The following PTPRD variants were observed in gnomAD, a reference collection of about 807,000 sequenced individuals.
The protein encoded by PTPRD is protein tyrosine phosphatase receptor type D.
Under a neutral mutation model 214.5 loss-of-function variants are expected in PTPRD, and 34 were observed. The ratio of observed to expected loss-of-function variants is 0.16; its 90% confidence interval spans 0.12 to 0.21. The LOEUF (loss-of-function observed/expected upper bound fraction) is 0.21. Among genes scored for constraint, PTPRD ranks in the 10% least tolerant of loss-of-function variants. The pLI, the probability that PTPRD is intolerant of heterozygous loss-of-function variation, is 1.00. For synonymous variants in PTPRD, 1,128 were observed against 845.7 expected, an observed-to-expected ratio of 1.33 and a Z score of -5.79; for missense variants, 2,545 against 2,398.7, an observed-to-expected ratio of 1.06 and a Z score of -1.27.
chr9:9,936,224 A>G (rs2089323433), intron 5 of PTPRD, among the ~76,000 whole-genome samples: 1 of 149,058 alleles, frequency 6.7e-6, no homozygotes, highest in Non-Finnish European at 1.5e-5. Flanking sequence ...CAAAATTGAC[A>G]AATGGGATCT....
chr9:9,771,252 A>G (rs1034559834), intron 5 of PTPRD, among the ~76,000 whole-genome samples: 1 of 152,184 alleles, frequency 6.6e-6, no homozygotes, highest in Non-Finnish European at 1.5e-5. Context: ...AATGTTTTAT[A>G]TCATTTCTCA....
chr9:10,173,137 C>T (rs184280875), intron 3 of PTPRD, among the ~76,000 whole-genome samples: 294 of 152,170 alleles, frequency 1.9e-3, no homozygotes, highest in Non-Finnish European at 3.7e-3. Context: ...ATGGCAGAAT[C>T]ATATATCAAC....
At chr9:10,081,730 T>C (rs1413544195) in intron 3 of PTPRD, among the ~76,000 whole-genome samples, 1 of 152,118 alleles carries the variant, frequency 6.6e-6, no homozygotes, top group Non-Finnish European at 1.5e-5. Context: ...TATTATATTT[T>C]TGATATAAGG....
At chr9:8,331,545 C>A (rs879075594) in intron 44 of PTPRD, 37 bp downstream of exon 44, 1 of 966,850 alleles carries the variant, frequency 1.0e-6, no homozygotes, top group Non-Finnish European at 1.4e-6. Context: ...AGAAACACCA[C>A]CACTTATCAC....
At position 9,384,550 on chromosome 9, in the gene PTPRD, C is replaced by G. The variant is rs149274395; in HGVS notation, c.-203+12899G>C. 3.3e-3 allele frequency among the ~76,000 whole-genome samples: 506 copies of G among 151,228 alleles called. 1 individual carries two copies. The highest frequency in any genetic ancestry group is 0.011 in the African/African-American group (472 of 41,330). ...TTGTAAAATATGTTCCTTTCATGGT[C>G]TTGGCACTTGTAACAACTTTTCTAA... On this transcript the variant is annotated intron_variant, in intron 9 of 45. Coordinates refer to ENST00000381196, the MANE Select transcript of PTPRD (RefSeq NM_002839.4).
intron 11 of PTPRD, among the ~76,000 whole-genome samples, chr9:8,787,556 A>G (rs1362316915): frequency 6.6e-6 from 1 of 152,186 alleles, no homozygotes; most frequent in Admixed American, 6.6e-5. Context: ...GATATTGAAT[A>G]AAGCCTAGAT....
At chr9:8,928,326 A>G (rs2098918741) in intron 11 of PTPRD, among the ~76,000 whole-genome samples, 1 of 152,066 alleles carries the variant, frequency 6.6e-6, no homozygotes, top group African/African-American at 2.4e-5. Context: ...TAGGGTTTTT[A>G]TGGTTTTAGG....
At position 9,082,751 on chromosome 9, in the gene PTPRD, C is replaced by A. The variant is rs148835562; in HGVS notation, c.-142-64016G>T. Among the ~76,000 whole-genome samples the A allele has an allele frequency of 4.1e-4, 63 of 152,148 alleles. 1 individual carries two copies. The highest frequency in any genetic ancestry group is 2.8e-3 in the Admixed American group (42 of 15,262). On this transcript the variant is annotated intron_variant, in intron 10 of 45. Coordinates refer to ENST00000381196, the MANE Select transcript of PTPRD (RefSeq NM_002839.4). ...CAAAAATCACAAGCATTCCTACACA[C>A]CAATAATAGACAAACAGAGAGCCAA...
intron 14 of PTPRD, among the ~76,000 whole-genome samples, chr9:8,591,619 ATTATC>A (rs1428857290): frequency 1.3e-5 from 2 of 152,172 alleles, no homozygotes; most frequent in African/African-American, 2.4e-5. Flanking sequence ...TTAATTGAAT[ATTATC>A]TTAAGAATTT....
At chr9:10,301,107 G>C (rs1020386131) in intron 3 of PTPRD, among the ~76,000 whole-genome samples, 2 of 152,224 alleles carry the variant, frequency 1.3e-5, no homozygotes, top group South Asian at 4.2e-4. Flanking sequence ...GTCTCTGCTG[G>C]TGATACCCAG....
At chr9:9,037,606 T>G (rs2099626025) in intron 10 of PTPRD, among the ~76,000 whole-genome samples, 2 of 152,182 alleles carry the variant, frequency 1.3e-5, no homozygotes, top group South Asian at 4.1e-4. Flanking sequence ...AGATCAGTTT[T>G]ATTCCATAAC....
chr9:9,168,816 G>A (rs932040002), intron 10 of PTPRD, among the ~76,000 whole-genome samples: 1 of 151,882 alleles, frequency 6.6e-6, no homozygotes, highest in African/African-American at 2.4e-5. Context: ...GGGTACATTT[G>A]AATAAGACCT....
intron 11 of PTPRD, among the ~76,000 whole-genome samples, chr9:9,008,467 C>A (rs1323862566): frequency 6.6e-6 from 1 of 151,936 alleles, no homozygotes; most frequent in East Asian, 1.9e-4. Context: ...ACCTTGTGAT[C>A]CACCCGTCTC....
intron 4 of PTPRD, among the ~76,000 whole-genome samples, chr9:9,969,381 G>A (rs1013523511): frequency 9.2e-5 from 14 of 152,146 alleles, no homozygotes; most frequent in African/African-American, 3.4e-4. Flanking sequence ...CCCACCAATA[G>A]GGTACCCTTG....
chr9:9,264,898 G>GAAA (rs34152157), intron 9 of PTPRD, among the ~76,000 whole-genome samples: 4 of 141,406 alleles, frequency 2.8e-5, no homozygotes, highest in Non-Finnish European at 4.6e-5. Context: ...AGTGATGAAA[G>GAAA]AAAAAAAAAA....
intron 7 of PTPRD, among the ~76,000 whole-genome samples, chr9:9,708,968 T>C (rs746632071): frequency 5.3e-5 from 8 of 152,020 alleles, no homozygotes; most frequent in Non-Finnish European, 7.4e-5. Context: ...TTACATTATA[T>C]AGCATCAATT....
chr9:9,656,741 G>A (rs1470063702), intron 7 of PTPRD, among the ~76,000 whole-genome samples: 1 of 152,074 alleles, frequency 6.6e-6, no homozygotes, highest in Non-Finnish European at 1.5e-5. Flanking sequence ...CAGCAAGAGT[G>A]AATCCTAATG....
At chr9:9,655,476 G>A (rs2096486287) in intron 7 of PTPRD, among the ~76,000 whole-genome samples, 1 of 151,964 alleles carries the variant, frequency 6.6e-6, no homozygotes, top group African/African-American at 2.4e-5. Context: ...GGCTAAGACA[G>A]GAGAATTGCT....
intron 7 of PTPRD, among the ~76,000 whole-genome samples, chr9:9,682,528 G>C (rs1441324911): frequency 1.3e-5 from 2 of 151,600 alleles, no homozygotes; most frequent in Admixed American, 6.6e-5. Flanking sequence ...TGATAGGGTA[G>C]ATCAATGCAA....
Sources: allele counts gnomAD v4.1 joint callset (sites outside exome capture counted in the v4.1 genomes callset), GRCh38; gene constraint gnomAD v4.1.1; transcripts MANE v1.5; gene names NCBI Gene and HGNC (gene_info 2026-07-23, HGNC 2026-07-21).